The following ZFHX3 variants were observed in gnomAD, a reference collection of about 807,000 sequenced individuals.
ZFHX3 encodes zinc finger homeobox 3.
A neutral mutation model predicts 279.1 loss-of-function variants in ZFHX3; 42 were observed. That is an observed-to-expected ratio of 0.15 (90% CI 0.12 to 0.19). The LOEUF (loss-of-function observed/expected upper bound fraction) is 0.19. Among genes scored for constraint, ZFHX3 ranks in the 10% least tolerant of loss-of-function variants. The pLI is 1.00. For missense variants in ZFHX3, 4,981 were observed against 4,754.0 expected, an observed-to-expected ratio of 1.05 and a Z score of -1.40; for synonymous variants, 2,293 against 1,957.8, an observed-to-expected ratio of 1.17 and a Z score of -4.52.
At position 72,846,554 on chromosome 16, in the gene ZFHX3, T is replaced by C. The variant is rs953231718; in HGVS notation, c.3449-16695A>G. On this transcript the variant is annotated intron_variant, in intron 4 of 9. Transcript: ENST00000268489. Reference sequence around the variant, plus strand: ...CAGCACCTCTTCCTCTGGGCACATATGGTCCTGAGACCCACCACTCCCTCT... The same window carrying C: ...CAGCACCTCTTCCTCTGGGCACATACGGTCCTGAGACCCACCACTCCCTCT... 5.1e-4 allele frequency among the ~76,000 whole-genome samples: 78 copies of C among 152,232 alleles called. 1 individual carries two copies. The highest frequency in any genetic ancestry group is 5.0e-3 in the Admixed American group (77 of 15,292).
intron 1 of ZFHX3, among the ~76,000 whole-genome samples, chr16:73,741,028 CTTTTTTTTTTTTT>C (rs57661722): frequency 2.3e-5 from 2 of 85,576 alleles, no homozygotes; most frequent in East Asian, 8.1e-4. Context: ...AAAAATGGGC[CTTTTTTTTTTTTT>C]TTTTTTTTGA....
At chr16:73,519,046 C>G (rs1026642314) in intron 2 of ZFHX3, among the ~76,000 whole-genome samples, 2 of 152,138 alleles carry the variant, frequency 1.3e-5, no homozygotes, top group Admixed American at 1.3e-4. Flanking sequence ...TTTAAGTAAG[C>G]AGATAGATGT....
intron 2 of ZFHX3, among the ~76,000 whole-genome samples, chr16:73,580,115 G>A (rs1183393213): frequency 6.6e-6 from 1 of 151,290 alleles, no homozygotes; most frequent in Non-Finnish European, 1.5e-5. Flanking sequence ...ATTCTATTAG[G>A]TGTCTTAAAA....
Position 73,626,638 on chromosome 16 carries a change from T to C in ZFHX3, c.-1547+53542A>G, listed in dbSNP as rs560070961. Among the ~76,000 whole-genome samples, 12 of 152,300 alleles carry C rather than the reference T, an allele frequency of 7.9e-5. 1 individual carries two copies. Among genetic ancestry groups the C allele is most frequent in the South Asian group, 4.2e-4 (2 of 4,808 alleles). Reference sequence around the variant, plus strand: ...GTGGTCTATTGACCTTTGCTGTCAGTACCATCTTTCTCTGGAATGCTGTCC... The same window carrying C: ...GTGGTCTATTGACCTTTGCTGTCAGCACCATCTTTCTCTGGAATGCTGTCC... On this transcript the variant is annotated intron_variant, in intron 2 of 17. Coordinates refer to the ZFHX3 transcript ENST00000641206.
At chr16:73,545,476 T>A (rs369676356) in intron 2 of ZFHX3, among the ~76,000 whole-genome samples, 3 of 152,286 alleles carry the variant, frequency 2.0e-5, no homozygotes, top group East Asian at 3.9e-4. Flanking sequence ...AGACATCCCC[T>A]TAGCTGAAGG....
At chr16:72,830,107 G>A (rs1270878200) in intron 4 of ZFHX3, among the ~76,000 whole-genome samples, 2 of 152,190 alleles carry the variant, frequency 1.3e-5, no homozygotes, top group African/African-American at 2.4e-5. Flanking sequence ...TGGCCATTAG[G>A]TATTTCCAGA....
At chr16:73,807,581 C>T (rs1960312424) in intron 1 of ZFHX3, among the ~76,000 whole-genome samples, 2 of 150,772 alleles carry the variant, frequency 1.3e-5, no homozygotes, top group African/African-American at 4.9e-5. Flanking sequence ...CAGCAGCCCC[C>T]AAATAGCTGG....
intron 3 of ZFHX3, among the ~76,000 whole-genome samples, chr16:73,453,380 A>G (rs1267976816): frequency 6.6e-6 from 1 of 152,162 alleles, no homozygotes; most frequent in Non-Finnish European, 1.5e-5. Flanking sequence ...TTTTAAGAGG[A>G]CCAGCAGGTT....
Position 72,957,674 on chromosome 16 carries a change from G to C in ZFHX3, c.2472C>G (p.Thr824=). The change falls in exon 2 of 10, where the codon ACC becomes ACG. Residue 824 remains threonine (T), a synonymous_variant. Transcript: ENST00000268489. ...TCATGTTATGCATGTGCTTCTCACT[G>C]GTCATGTGAATGCGGAGGTTCCTGG... ...NVARNLRIHM[T]SEKHMHNMML... The C allele has an allele frequency of 6.2e-7, 1 of 1,614,182 alleles. No individual in the cohort carries two copies. The highest frequency in any genetic ancestry group is 8.5e-7 in the Non-Finnish European group (1 of 1,180,036).
intron 3 of ZFHX3, chr16:73,387,167 A>G (rs1199087254): frequency 6.6e-6 from 1 of 152,166 alleles, no homozygotes; most frequent in Non-Finnish European, 1.5e-5. Context: ...CTAAAAACCC[A>G]TGGTCCCTGC....
chr16:72,799,824 C>T (rs1307583853), intron 8 of ZFHX3, among the ~76,000 whole-genome samples: 1 of 152,228 alleles, frequency 6.6e-6, no homozygotes, highest in African/African-American at 2.4e-5. Flanking sequence ...TACTAATTTT[C>T]TCTCACTTTA....
intron 5 of ZFHX3, among the ~76,000 whole-genome samples, chr16:73,231,807 A>G (rs528527409): frequency 6.6e-6 from 1 of 152,010 alleles, no homozygotes; most frequent in Non-Finnish European, 1.5e-5. Context: ...ACTTCTTTGC[A>G]TATTTCTTCT....
intron 3 of ZFHX3, among the ~76,000 whole-genome samples, chr16:72,926,293 C>A (rs1488399840): frequency 6.6e-6 from 1 of 152,106 alleles, no homozygotes; most frequent in Non-Finnish European, 1.5e-5. Context: ...TGTATTTTTG[C>A]GTCTCTGTCT....
chr16:73,391,182 AC>A (rs1597314468), intron 3 of ZFHX3, among the ~76,000 whole-genome samples: 2 of 152,084 alleles, frequency 1.3e-5, no homozygotes, highest in East Asian at 3.9e-4. Context: ...AGTCATTAAG[AC>A]CCTAGGTTTT....
chr16:73,248,004 T>C (rs1469689492), intron 5 of ZFHX3, among the ~76,000 whole-genome samples: 1 of 151,812 alleles, frequency 6.6e-6, no homozygotes, highest in Non-Finnish European at 1.5e-5. Flanking sequence ...TATGAGTGTG[T>C]GTATACTATG....
In ZFHX3 at chr16:73,142,523, CCTT is replaced by C. The variant is rs1449160717; in HGVS notation, c.-1024+1226_-1024+1228del. ...TTTCTCCCCCCATCGGCAGGGCCAC[CCTT>C]CTTCCTGTACAGAGAAAATCCTTAT... On this transcript the variant is annotated intron_variant, in intron 6 of 17. Coordinates refer to the ZFHX3 transcript ENST00000641206. Among the ~76,000 whole-genome samples the C allele has an allele frequency of 5.3e-5, 8 of 152,290 alleles. No homozygotes were observed. In the East Asian group the frequency reaches 1.4e-3, roughly 26 times the overall value.
At chr16:73,469,955 C>T (rs1035903663) in intron 2 of ZFHX3, among the ~76,000 whole-genome samples, 4 of 152,108 alleles carry the variant, frequency 2.6e-5, no homozygotes, top group African/African-American at 9.7e-5. Flanking sequence ...GAAGCTTGGG[C>T]ATTGGGATTT....
At chr16:73,378,873 G>A (rs60912868) in intron 3 of ZFHX3, among the ~76,000 whole-genome samples, 7,215 of 152,046 alleles carry the variant, frequency 0.047, 440 homozygotes, top group African/African-American at 0.15. Flanking sequence ...CTGACCTTCC[G>A]AGATACTTAC....
intron 4 of ZFHX3, among the ~76,000 whole-genome samples, chr16:72,865,038 A>G (rs2037980634): frequency 6.6e-6 from 1 of 152,186 alleles, no homozygotes; most frequent in African/African-American, 2.4e-5. Context: ...TAAAAAGTGG[A>G]TTTTGCATTC....
Sources: gnomAD v4.1 joint callset for allele counts (sites outside exome capture counted in the v4.1 genomes callset) on GRCh38, gnomAD v4.1.1 for gene constraint, MANE v1.5 for transcripts, NCBI Gene and HGNC (gene_info 2026-07-23, HGNC 2026-07-21) for gene names.